WNK1: variants seen among roughly 807,000 people sequenced by gnomAD.
The protein encoded by WNK1 is serine/threonine-protein kinase WNK1.
WNK1 carries 38 observed loss-of-function variants against 222.8 expected under a neutral mutation model. That is an observed-to-expected ratio of 0.17 (90% confidence interval 0.13 to 0.22). WNK1 has a LOEUF of 0.22. Ranked by LOEUF, WNK1 falls within the 10% of genes least tolerant of loss-of-function variation. The probability of loss-of-function intolerance (pLI) is 1.00; values close to 1 mark genes in which losing one functional copy is unlikely to be tolerated. For missense variants in WNK1, 2,348 were observed against 2,918.4 expected, an observed-to-expected ratio of 0.80 and a Z score of 4.50; for synonymous variants, 1,090 against 1,092.9, an observed-to-expected ratio of 1.00 and a Z score of 0.05.
chr12:768,751 C>T (rs1024783069), intron 1 of WNK1, among the ~76,000 whole-genome samples: 1 of 152,076 alleles, frequency 6.6e-6, no homozygotes, highest in South Asian at 2.1e-4. Flanking sequence ...CTTCAACAAC[C>T]AGTACTTAGC....
intron 9 of WNK1, among the ~76,000 whole-genome samples, chr12:871,707 G>A (rs1986231): frequency 0.51 from 78,030 of 151,714 alleles, 21,694 homozygotes; most frequent in East Asian, 0.71. Context: ...GGTTCAAGCA[G>A]TCCTCCTGCC....
intron 4 of WNK1, among the ~76,000 whole-genome samples, chr12:856,073 C>T (rs1053844676): frequency 4.7e-4 from 71 of 151,236 alleles, no homozygotes; most frequent in African/African-American, 1.6e-3. Flanking sequence ...CTCTTGACCT[C>T]GTGATCTGCC....
chr12:879,688 C>CGCT lies in WNK1; in HGVS notation c.2490_2492dup (p.Leu831dup). On this transcript the variant is annotated inframe_insertion, in exon 11 of 28. Transcript: ENST00000315939. ...GCTCATTTCCTTCCAGTGGGACAGC[C>CGCT]GCTCCCTACTCCCTTGCTCCCTCAG... is the stretch of plus-strand genomic sequence containing the variant. 4 of 1,613,772 alleles carry CGCT rather than the reference C, an allele frequency of 2.5e-6. No individual in the cohort carries two copies. The highest frequency in any genetic ancestry group is 3.4e-6 in the Non-Finnish European group (4 of 1,179,932).
rs1296904609 is a variant in WNK1 at position 871,361 on chromosome 12, C to T, written c.2223+13C>T. The T allele has an allele frequency of 6.2e-7, 1 of 1,611,738 alleles. No homozygotes were observed. Among genetic ancestry groups the T allele is most frequent in the East Asian group, 2.2e-5 (1 of 44,866 alleles). On this transcript the variant is annotated intron_variant, in intron 9 of 27. Coordinates refer to ENST00000315939, the MANE Select transcript of WNK1 (RefSeq NM_018979.4). ...ACATCCTCAGCAGGTGAGAACAATG[C>T]ATTGCAACATTTTATGAATTAGCAG...
At chr12:904,613 A>G in intron 26 of WNK1, 6 of 624,186 alleles carry the variant, frequency 9.6e-6, no homozygotes, top group Admixed American at 2.8e-5. Flanking sequence ...TCTGTATCCT[A>G]TTCTAATAAA....
At chr12:867,719 A>G (rs1951793585) in intron 8 of WNK1, 4 of 918,140 alleles carry the variant, frequency 4.4e-6, no homozygotes, top group Non-Finnish European at 6.7e-6. Context: ...CTATGCACAT[A>G]ATTTCCAGAA....
At position 897,454 on chromosome 12, in the gene WNK1, A is replaced by T. The variant is rs749763809; in HGVS notation, c.6246-25A>T. 8 of 1,410,804 alleles carry T rather than the reference A, an allele frequency of 5.7e-6. No homozygotes were observed. In the East Asian group the frequency reaches 1.4e-4, roughly 24 times the overall value. 87.4% of individuals were successfully genotyped at this position (1,410,804 alleles called of 1,614,324 possible). A position where few individuals can be genotyped will look rare whatever the true frequency, so the allele number is the denominator to read the frequency against. On this transcript the variant is annotated intron_variant, in intron 24 of 27. Coordinates refer to ENST00000315939, the MANE Select transcript of WNK1 (RefSeq NM_018979.4). Reference sequence around the variant, plus strand: ...GAATGAAGAGGATTATGGTATTTTGAATTATGTTTGGTTATCTTTCACAGA... The same window carrying T: ...GAATGAAGAGGATTATGGTATTTTGTATTATGTTTGGTTATCTTTCACAGA...
chr12:855,758 CT>C (rs1435950813), intron 4 of WNK1, among the ~76,000 whole-genome samples: 3 of 152,102 alleles, frequency 2.0e-5, no homozygotes, highest in Non-Finnish European at 4.4e-5. Context: ...ATCTTTTTCT[CT>C]TTCACCCCAC....
chr12:903,483 G>A (rs1490221521), intron 26 of WNK1, among the ~76,000 whole-genome samples: 1 of 152,124 alleles, frequency 6.6e-6, no homozygotes, highest in Non-Finnish European at 1.5e-5. Context: ...CAGGCCTATG[G>A]TCTACAGCCT....
At chr12:797,001 A>G (rs1315808058) in intron 1 of WNK1, among the ~76,000 whole-genome samples, 1 of 152,144 alleles carries the variant, frequency 6.6e-6, no homozygotes, top group Non-Finnish European at 1.5e-5. Context: ...TGTTTATCCA[A>G]TCTTCTCTCC....
intron 1 of WNK1, among the ~76,000 whole-genome samples, chr12:800,562 G>C (rs1263144564): frequency 6.6e-6 from 1 of 151,912 alleles, no homozygotes; most frequent in Non-Finnish European, 1.5e-5. Context: ...CCTTTTTGAT[G>C]GGAAGAGTGT....
Position 871,369 on chromosome 12 carries a change from C to T in WNK1, c.2223+21C>T, listed in dbSNP as rs1400148643. 1.9e-6 allele frequency: 3 copies of T among 1,607,916 alleles called. No homozygotes were observed. In the African/African-American group the frequency reaches 4.0e-5, roughly 22 times the overall value. ...AGCAGGTGAGAACAATGCATTGCAA[C>T]ATTTTATGAATTAGCAGTGGCCAGA... On this transcript the variant is annotated intron_variant, in intron 9 of 27. Coordinates refer to ENST00000315939, the MANE Select transcript of WNK1 (RefSeq NM_018979.4).
In WNK1 at chr12:799,965, C is replaced by T. The variant is rs570840104; in HGVS notation, c.760-13677C>T. Among the ~76,000 whole-genome samples the T allele has an allele frequency of 2.8e-4, 43 of 152,142 alleles. 2 individuals carry two copies. In the South Asian group the frequency reaches 7.3e-3, roughly 26 times the overall value. On this transcript the variant is annotated intron_variant, in intron 1 of 27. Coordinates refer to ENST00000315939, the MANE Select transcript of WNK1 (RefSeq NM_018979.4). Reference sequence around the variant, plus strand: ...CTCCCAAAGTGCTGGGATTACACCGCGCTTGTCCTACAAAAATTTTTAAAG... The same window carrying T: ...CTCCCAAAGTGCTGGGATTACACCGTGCTTGTCCTACAAAAATTTTTAAAG...
At chr12:895,661 G>A (rs1020476142) in intron 23 of WNK1, among the ~76,000 whole-genome samples, 2 of 152,014 alleles carry the variant, frequency 1.3e-5, no homozygotes, top group South Asian at 2.1e-4. Flanking sequence ...GTTTCACCAC[G>A]TTGGCCAGGC....
intron 4 of WNK1, among the ~76,000 whole-genome samples, chr12:845,684 A>G (rs1671153120): frequency 6.6e-6 from 1 of 152,234 alleles, no homozygotes; most frequent in South Asian, 2.1e-4. Context: ...CCTGGCATAC[A>G]GTTATCAATC....
At chr12:819,782 A>T (rs367971411) in intron 2 of WNK1, among the ~76,000 whole-genome samples, 3 of 152,236 alleles carry the variant, frequency 2.0e-5, no homozygotes, top group South Asian at 4.1e-4. Flanking sequence ...ATTCTTTTAC[A>T]TGTTGATGTC....
At chr12:799,961 A>G (rs1345020600) in intron 1 of WNK1, among the ~76,000 whole-genome samples, 1 of 152,130 alleles carries the variant, frequency 6.6e-6, no homozygotes, top group East Asian at 1.9e-4. Context: ...CTGGGATTAC[A>G]CCGCGCTTGT....
intron 1 of WNK1, among the ~76,000 whole-genome samples, chr12:803,189 G>A (rs1946046293): frequency 6.6e-6 from 1 of 152,158 alleles, no homozygotes; most frequent in Admixed American, 6.5e-5. Flanking sequence ...AGTAAATGCT[G>A]CTGATTTGAC....
At chr12:903,002 G>A (rs1592257360) in intron 26 of WNK1, among the ~76,000 whole-genome samples, 2 of 152,312 alleles carry the variant, frequency 1.3e-5, no homozygotes, top group South Asian at 2.1e-4. Context: ...CTGAGTATGG[G>A]TCAGAGGCCC....
Sources: gnomAD v4.1 joint callset for allele counts (sites outside exome capture counted in the v4.1 genomes callset) on GRCh38, gnomAD v4.1.1 for gene constraint, MANE v1.5 for transcripts, NCBI Gene and HGNC (gene_info 2026-07-23, HGNC 2026-07-21) for gene names.